The following GALNT13 variants were observed in gnomAD, a reference collection of about 807,000 sequenced individuals.
GALNT13 encodes the protein UDP-GalNAc:polypeptide N-acetylgalactosaminyltransferase 13.
In GALNT13, 28 loss-of-function variants were observed where a neutral mutation model predicts 64.2. The ratio of observed to expected loss-of-function variants is 0.44; its 90% CI spans 0.32 to 0.60. The LOEUF is 0.60. GALNT13 is among the 20% of genes least tolerant of loss of function. The pLI is 0.05. For missense variants in GALNT13, 577 were observed against 669.8 expected, an observed-to-expected ratio of 0.86 and a Z score of 1.53; for synonymous variants, 214 against 224.6, an observed-to-expected ratio of 0.95 and a Z score of 0.42.
chr2:153,698,003 T>G, the GALNT13 span, among the ~76,000 whole-genome samples: 1 of 152,154 alleles, frequency 6.6e-6, no homozygotes, highest in Non-Finnish European at 1.5e-5. Flanking sequence ...CTAAACTTCA[T>G]AAGTGAAGGA....
chr2:153,822,060 G>C, the GALNT13 span, among the ~76,000 whole-genome samples: 1 of 152,070 alleles, frequency 6.6e-6, no homozygotes, highest in Non-Finnish European at 1.5e-5. Context: ...GAACAGACAA[G>C]TATGAGCTCC....
chr2:153,232,076 T>G, the GALNT13 span, among the ~76,000 whole-genome samples: 1 of 152,244 alleles, frequency 6.6e-6, no homozygotes, highest in Admixed American at 6.5e-5. Context: ...TTAACCTTTC[T>G]TTTCAAGTTG....
intron 4 of GALNT13, among the ~76,000 whole-genome samples, chr2:154,159,676 A>G (rs1166755153): frequency 6.6e-6 from 1 of 152,076 alleles, no homozygotes; most frequent in Non-Finnish European, 1.5e-5. Flanking sequence ...TGTTTTTTTA[A>G]TCTATTTTTT....
intron 3 of GALNT13, among the ~76,000 whole-genome samples, chr2:154,006,717 G>A (rs908208915): frequency 6.6e-6 from 1 of 152,106 alleles, no homozygotes; most frequent in African/African-American, 2.4e-5. Context: ...TTGTCAATTT[G>A]CACGTGAAAA....
intron 9 of GALNT13, among the ~76,000 whole-genome samples, chr2:154,305,795 A>G (rs1277757381): frequency 6.6e-6 from 1 of 152,230 alleles, no homozygotes; most frequent in Non-Finnish European, 1.5e-5. Flanking sequence ...GAAGTTTGAT[A>G]ACATGGGCAA....
the GALNT13 span, chr2:153,477,929 G>A: frequency 2.6e-6 from 1 of 385,482 alleles, no homozygotes; most frequent in Non-Finnish European, 4.7e-6. Flanking sequence ...GGGTGGAGAA[G>A]GGCCTTCGCA....
the GALNT13 span, among the ~76,000 whole-genome samples, chr2:153,671,392 A>G: frequency 6.6e-6 from 1 of 152,192 alleles, no homozygotes; most frequent in African/African-American, 2.4e-5. Flanking sequence ...GTGGGGGCCA[A>G]TATTCAACAT....
chr2:153,146,676 T>C, the GALNT13 span, among the ~76,000 whole-genome samples: 3 of 151,830 alleles, frequency 2.0e-5, no homozygotes, highest in Admixed American at 2.0e-4. Flanking sequence ...TGTATCAGGG[T>C]TTCCTTCAGC....
the GALNT13 span, chr2:153,449,963 G>C: frequency 6.6e-6 from 1 of 152,112 alleles, no homozygotes. Context: ...CCAGAATTTT[G>C]GAGGGAACCT....
the GALNT13 span, among the ~76,000 whole-genome samples, chr2:153,520,517 C>T: frequency 1.3e-5 from 2 of 152,130 alleles, no homozygotes; most frequent in African/African-American, 4.8e-5. Flanking sequence ...CTCAGTCTGA[C>T]CTCAGGAATG....
the GALNT13 span, among the ~76,000 whole-genome samples, chr2:153,242,862 C>G: frequency 6.6e-6 from 1 of 152,158 alleles, no homozygotes; most frequent in Non-Finnish European, 1.5e-5. Context: ...AAATGTTTTC[C>G]TCATGGAACC....
chr2:153,315,829 A>T, the GALNT13 span, among the ~76,000 whole-genome samples: 1 of 152,168 alleles, frequency 6.6e-6, no homozygotes, highest in Non-Finnish European at 1.5e-5. Flanking sequence ...GTTTATAAAA[A>T]CTTTAAACTT....
At chr2:154,292,982 G>C (rs1692728573) in intron 8 of GALNT13, among the ~76,000 whole-genome samples, 1 of 152,024 alleles carries the variant, frequency 6.6e-6, no homozygotes, top group African/African-American at 2.4e-5. Flanking sequence ...ATGAGCAATG[G>C]GCATTTTACA....
intron 3 of GALNT13, among the ~76,000 whole-genome samples, chr2:154,084,101 C>T (rs545186807): frequency 6.6e-5 from 10 of 151,906 alleles, no homozygotes; most frequent in African/African-American, 1.9e-4. Context: ...GCAGTTTAAA[C>T]GCTGCCACAG....
At chr2:153,203,810 TC>T in the GALNT13 span, among the ~76,000 whole-genome samples, 5 of 152,152 alleles carry the variant, frequency 3.3e-5, no homozygotes, top group African/African-American at 1.2e-4. Context: ...CATTTCCATT[TC>T]AACTATTCTC....
intron 3 of GALNT13, among the ~76,000 whole-genome samples, chr2:154,026,856 A>G (rs1467614969): frequency 6.6e-6 from 1 of 152,194 alleles, no homozygotes; most frequent in African/African-American, 2.4e-5. Flanking sequence ...AAGAATTGGA[A>G]GTATAGTTGG....
intron 3 of GALNT13, among the ~76,000 whole-genome samples, chr2:154,079,379 A>C (rs1280424660): frequency 6.6e-6 from 1 of 151,674 alleles, no homozygotes; most frequent in Non-Finnish European, 1.5e-5. Context: ...AGGATATATT[A>C]TGCAAGTAGT....
chr2:153,578,902 A>G, the GALNT13 span, among the ~76,000 whole-genome samples: 1 of 152,200 alleles, frequency 6.6e-6, no homozygotes, highest in East Asian at 1.9e-4. Flanking sequence ...GACCATAAAA[A>G]AACCATAAAT....
At chr2:153,144,730 C>G in the GALNT13 span, among the ~76,000 whole-genome samples, 1 of 151,844 alleles carries the variant, frequency 6.6e-6, no homozygotes, top group East Asian at 1.9e-4. Flanking sequence ...GGAAAATGTT[C>G]ATGTCTGGGG....
Sources: allele counts gnomAD v4.1 joint callset (sites outside exome capture counted in the v4.1 genomes callset), GRCh38; gene constraint gnomAD v4.1.1; transcripts MANE v1.5; gene names NCBI Gene and HGNC (gene_info 2026-07-23, HGNC 2026-07-21).